DCC: variants seen among roughly 807,000 people sequenced by gnomAD.
DCC encodes netrin receptor DCC.
A neutral mutation model predicts 172.5 loss-of-function variants in DCC; 58 were observed. That is an observed-to-expected ratio of 0.34 (90% CI 0.27 to 0.42). The LOEUF is 0.42. Among genes scored for constraint, DCC ranks in the 10% least tolerant of loss-of-function variants. The pLI is 1.00. For synonymous variants in DCC, 709 were observed against 644.5 expected (o/e 1.10, Z -1.52); for missense variants, 1,740 against 1,791.0 (o/e 0.97, Z 0.51).
chr18:52,525,429 G>A (rs2144673856), intron 1 of DCC, among the ~76,000 whole-genome samples: 1 of 152,158 alleles, frequency 6.6e-6, no homozygotes, highest in South Asian at 2.1e-4. Flanking sequence ...GTGGCCTGTG[G>A]GCCAAATCCA....
chr18:52,611,224 T>C (rs2034270733), intron 1 of DCC, among the ~76,000 whole-genome samples: 1 of 152,152 alleles, frequency 6.6e-6, no homozygotes, highest in Non-Finnish European at 1.5e-5. Flanking sequence ...TGTGTGCCTA[T>C]ACCCCGCACC....
chr18:53,287,796 C>A (rs1450971245), intron 12 of DCC, among the ~76,000 whole-genome samples: 1 of 152,060 alleles, frequency 6.6e-6, no homozygotes, highest in Non-Finnish European at 1.5e-5. Flanking sequence ...ATATTAAATT[C>A]TCTGAGTTTG....
chr18:52,814,471 A>G (rs9967517), intron 2 of DCC, among the ~76,000 whole-genome samples: 59 of 152,350 alleles, frequency 3.9e-4, no homozygotes, highest in African/African-American at 1.3e-3. Context: ...AGAGAGCACC[A>G]GGGTCTCTTC....
chr18:52,348,812 TGA>T (rs1458006083), intron 1 of DCC, among the ~76,000 whole-genome samples: 2 of 152,204 alleles, frequency 1.3e-5, no homozygotes, highest in Admixed American at 6.6e-5. Flanking sequence ...ACACTGATTT[TGA>T]GTTGGAAAAG....
At chr18:52,728,435 G>A (rs1455418041) in intron 1 of DCC, among the ~76,000 whole-genome samples, 1 of 152,178 alleles carries the variant, frequency 6.6e-6, no homozygotes, top group Non-Finnish European at 1.5e-5. Flanking sequence ...TTAGGGCAAA[G>A]TAGTTTGCCT....
intron 5 of DCC, among the ~76,000 whole-genome samples, chr18:52,995,316 TC>T (rs1418790305): frequency 6.6e-6 from 1 of 152,112 alleles, no homozygotes; most frequent in South Asian, 2.1e-4. Flanking sequence ...AGATTTAAAG[TC>T]AGCAGCAAGA....
At chr18:53,387,290 C>T (rs889447552) in intron 16 of DCC, among the ~76,000 whole-genome samples, 6 of 152,170 alleles carry the variant, frequency 3.9e-5, no homozygotes, top group African/African-American at 1.4e-4. Flanking sequence ...ATTGTTATGT[C>T]ATGGCCTTTA....
intron 14 of DCC, 103 bp from the exon 15 acceptor site, chr18:53,339,610 T>C (rs1249395655): frequency 1.3e-5 from 11 of 868,780 alleles, no homozygotes; most frequent in Middle Eastern, 2.5e-4. Flanking sequence ...TGATGCATTA[T>C]TTATGCATCT....
At chr18:53,050,888 C>T (rs888399612) in intron 5 of DCC, among the ~76,000 whole-genome samples, 19 of 152,036 alleles carry the variant, frequency 1.2e-4, no homozygotes, top group African/African-American at 4.6e-4. Flanking sequence ...AACCATTGAA[C>T]ACTTTCACCT....
chr18:53,481,625 C>T (rs756013223), intron 25 of DCC, among the ~76,000 whole-genome samples: 4 of 152,106 alleles, frequency 2.6e-5, no homozygotes, highest in Admixed American at 6.6e-5. Flanking sequence ...TCTTTCATTT[C>T]GACATACCAT....
intron 5 of DCC, among the ~76,000 whole-genome samples, chr18:52,931,033 T>G (rs1464511616): frequency 1.3e-5 from 2 of 152,208 alleles, no homozygotes; most frequent in South Asian, 2.1e-4. Flanking sequence ...TTAAGGGATT[T>G]TTTTTGGTAA....
intron 1 of DCC, among the ~76,000 whole-genome samples, chr18:52,616,217 T>C (rs2034379605): frequency 6.6e-6 from 1 of 152,346 alleles, no homozygotes; most frequent in Admixed American, 6.5e-5. Flanking sequence ...GGCATTTAGT[T>C]GTCATGGTGT....
At chr18:53,373,918 C>G (rs923329066) in intron 15 of DCC, among the ~76,000 whole-genome samples, 4 of 152,126 alleles carry the variant, frequency 2.6e-5, no homozygotes, top group Non-Finnish European at 2.9e-5. Flanking sequence ...AAACTCCTAC[C>G]CATGCTATAA....
intron 1 of DCC, among the ~76,000 whole-genome samples, chr18:52,618,153 C>T (rs1316300566): frequency 1.3e-5 from 2 of 152,058 alleles, no homozygotes; most frequent in African/African-American, 2.4e-5. Context: ...TCATCACAGA[C>T]CTGACTCACA....
chr18:52,640,320 C>T (rs879872134), intron 1 of DCC, among the ~76,000 whole-genome samples: 3 of 152,162 alleles, frequency 2.0e-5, no homozygotes, highest in Non-Finnish European at 4.4e-5. Flanking sequence ...TACCCACTCT[C>T]ATGACCCCTC....
At chr18:53,093,369 C>T (rs1295140722) in intron 7 of DCC, among the ~76,000 whole-genome samples, 1 of 152,192 alleles carries the variant, frequency 6.6e-6, no homozygotes, top group Non-Finnish European at 1.5e-5. Context: ...GTTACTATTG[C>T]ATAGCACATC....
Position 52,812,574 on chromosome 18 carries a change from TAAA to T in DCC, c.412+60204_412+60206del, listed in dbSNP as rs1323233938. ...TCATCCAAGTTCAATTATTTAATCT[TAAA>T]AAACATATGATTTAGTTAGATAGCC... On this transcript the variant is annotated intron_variant, in intron 2 of 28. Coordinates refer to ENST00000442544, the MANE Select transcript of DCC (RefSeq NM_005215.4). 7.9e-5 allele frequency among the ~76,000 whole-genome samples: 12 copies of T among 152,294 alleles called. No individual in the cohort carries two copies. In the East Asian group the frequency reaches 2.3e-3, roughly 29 times the overall value.
chr18:52,883,374 GTGTGTGTGTGTGTGTGTGAGA>G (rs998673602), intron 2 of DCC, among the ~76,000 whole-genome samples: 5 of 125,912 alleles, frequency 4.0e-5, no homozygotes, highest in Non-Finnish European at 7.3e-5. Context: ...GTGTGTGTGT[GTGTGTGTGTGTGTGTGTGAGA>G]TCTCTTTCTG....
At chr18:52,501,965 C>T (rs1275681715) in intron 1 of DCC, among the ~76,000 whole-genome samples, 2 of 152,064 alleles carry the variant, frequency 1.3e-5, no homozygotes, top group East Asian at 1.9e-4. Flanking sequence ...GCCCACAGTT[C>T]GTAAATGAGA....
Sources: gnomAD v4.1 joint callset for allele counts (sites outside exome capture counted in the v4.1 genomes callset) on GRCh38, gnomAD v4.1.1 for gene constraint, MANE v1.5 for transcripts, NCBI Gene and HGNC (gene_info 2026-07-23, HGNC 2026-07-21) for gene names.